Variants in MAP2K4 observed in about 807,000 individuals in gnomAD.
MAP2K4 encodes the protein mitogen-activated protein kinase kinase 4.
MAP2K4 carries 4 observed loss-of-function variants against 48.5 expected under a neutral mutation model. The observed-to-expected ratio is 0.08, with a 90% CI of 0.04 to 0.19. The LOEUF is 0.19. MAP2K4 is among the 10% of genes least tolerant of loss of function. The pLI is 1.00. For synonymous variants in MAP2K4, 166 were observed against 173.1 expected, an observed-to-expected ratio of 0.96 and a Z score of 0.32; for missense variants, 258 against 493.3, an observed-to-expected ratio of 0.52 and a Z score of 4.52.
chr17:12,104,620 T>G (rs1972046085), intron 4 of MAP2K4, among the ~76,000 whole-genome samples: 1 of 152,138 alleles, frequency 6.6e-6, no homozygotes, highest in African/African-American at 2.4e-5. Flanking sequence ...CCTAATTAGT[T>G]TAGCATAACT....
At chr17:12,051,883 T>G (rs926528493) in intron 1 of MAP2K4, among the ~76,000 whole-genome samples, 2 of 151,958 alleles carry the variant, frequency 1.3e-5, no homozygotes, top group East Asian at 3.9e-4. Context: ...GAGGCTCTAG[T>G]ACTTAGAGAA....
chr17:12,091,794 T>C (rs983964252), intron 3 of MAP2K4, among the ~76,000 whole-genome samples: 1 of 152,186 alleles, frequency 6.6e-6, no homozygotes, highest in African/African-American at 2.4e-5. Context: ...AACTTCAAGT[T>C]TATAAATTTC....
chr17:12,032,316 T>C, intron 1 of MAP2K4: 1 of 1,322,802 alleles, frequency 7.6e-7, no homozygotes, highest in Non-Finnish European at 1.0e-6. Flanking sequence ...ACAAATTTTA[T>C]GATATTATGC....
rs541852179 is a variant in MAP2K4 at position 12,128,068 on chromosome 17, T to G, written c.892-1071T>G. ...ATATGTTTCTTGGAAAAAGCAAAAT[T>G]TGTAGGTTTTCTTTTCTTTTGTTTT... On this transcript the variant is annotated intron_variant, in intron 8 of 10. Coordinates refer to ENST00000353533, the MANE Select transcript of MAP2K4 (RefSeq NM_003010.4). Among the ~76,000 whole-genome samples the G allele has an allele frequency of 2.0e-5, 3 of 152,180 alleles. No homozygotes were observed. In the East Asian group the frequency reaches 5.8e-4, roughly 29 times the overall value.
At chr17:12,116,581 T>C (rs1972501877) in intron 7 of MAP2K4, among the ~76,000 whole-genome samples, 1 of 152,218 alleles carries the variant, frequency 6.6e-6, no homozygotes, top group Non-Finnish European at 1.5e-5. Flanking sequence ...TCTTTCTTTG[T>C]ATCTTTATTC....
intron 1 of MAP2K4, among the ~76,000 whole-genome samples, chr17:12,050,383 A>G (rs537398797): frequency 6.6e-5 from 10 of 152,208 alleles, no homozygotes; most frequent in Non-Finnish European, 1.5e-4. Flanking sequence ...ATTGTTTACA[A>G]TTTTTTGATG....
intron 1 of MAP2K4, among the ~76,000 whole-genome samples, chr17:12,039,425 AGTAGT>A (rs1373576158): frequency 6.6e-6 from 1 of 152,116 alleles, no homozygotes; most frequent in Non-Finnish European, 1.5e-5. Flanking sequence ...ACAAAAATAG[AGTAGT>A]GTAATGAACC....
chr17:12,060,630 G>A (rs1970418444), intron 2 of MAP2K4, among the ~76,000 whole-genome samples: 1 of 152,130 alleles, frequency 6.6e-6, no homozygotes, highest in Non-Finnish European at 1.5e-5. Flanking sequence ...CTGCATTTCT[G>A]TGGTGGACCA....
intron 7 of MAP2K4, among the ~76,000 whole-genome samples, chr17:12,120,921 A>G (rs957418819): frequency 6.6e-6 from 1 of 152,226 alleles, no homozygotes; most frequent in Non-Finnish European, 1.5e-5. Context: ...TATTCTGGCG[A>G]TGCTACTGTG....
chr17:12,021,197 A>C (rs1359890568), intron 1 of MAP2K4, 196 bp downstream of exon 1: 1 of 336,220 alleles, frequency 3.0e-6, no homozygotes, highest in African/African-American at 2.2e-5. Context: ...TCCGGCCCGC[A>C]TAGGCCCCGG....
intron 7 of MAP2K4, among the ~76,000 whole-genome samples, chr17:12,115,344 C>G (rs1032773878): frequency 1.3e-5 from 2 of 152,130 alleles, no homozygotes; most frequent in Non-Finnish European, 2.9e-5. Context: ...TGTACTTACA[C>G]AAACCTAGAT....
At chr17:12,138,477 T>C (rs1489351713) in intron 9 of MAP2K4, among the ~76,000 whole-genome samples, 1 of 151,944 alleles carries the variant, frequency 6.6e-6, no homozygotes, top group Non-Finnish European at 1.5e-5. Flanking sequence ...AAGTGGATCA[T>C]CATAAAGATC....
rs773712590 is a variant in MAP2K4, at chr17:12,113,300, T to C, written c.753T>C (p.Ser251=). ...GNIKLCDFGI[S]GQLVDSIAKT... ...TTAAGCTCTGTGACTTCGGCATCAGTGGACAGCTTGTGGACTCTATTGCCA... is the reference window on the plus strand; with the variant it reads ...TTAAGCTCTGTGACTTCGGCATCAGCGGACAGCTTGTGGACTCTATTGCCA... The change falls in exon 7 of 11, where the codon AGT becomes AGC. Residue 251 remains serine, a synonymous_variant. Coordinates refer to ENST00000353533, the MANE Select transcript of MAP2K4 (RefSeq NM_003010.4). 2 of 1,613,724 alleles carry C rather than the reference T, an allele frequency of 1.2e-6. No homozygotes were observed. The highest frequency in any genetic ancestry group is 1.3e-5 in the African/African-American group (1 of 74,916).
intron 3 of MAP2K4, among the ~76,000 whole-genome samples, chr17:12,086,131 A>G (rs1265864353): frequency 6.6e-6 from 1 of 152,196 alleles, no homozygotes; most frequent in Admixed American, 6.5e-5. Flanking sequence ...AAAGGGCCGC[A>G]GTGATCATAT....
At chr17:12,095,739 G>A (rs2151562064) in intron 4 of MAP2K4, 45 bp downstream of exon 4, 1 of 1,591,554 alleles carries the variant, frequency 6.3e-7, no homozygotes, top group Non-Finnish European at 8.6e-7. Context: ...TATCTAATTG[G>A]GACAAATGAA....
intron 2 of MAP2K4, among the ~76,000 whole-genome samples, chr17:12,077,533 A>G (rs1971052146): frequency 6.6e-6 from 1 of 152,184 alleles, no homozygotes; most frequent in Non-Finnish European, 1.5e-5. Context: ...ATTGGAGTCA[A>G]TGCTATTTTC....
intron 1 of MAP2K4, among the ~76,000 whole-genome samples, chr17:12,026,047 C>A (rs1192776255): frequency 6.6e-6 from 1 of 152,070 alleles, no homozygotes; most frequent in Admixed American, 6.5e-5. Flanking sequence ...GCAAATTAGT[C>A]CCCCCTCAAA....
At chr17:12,059,560 A>G (rs1259695969) in intron 2 of MAP2K4, among the ~76,000 whole-genome samples, 1 of 152,236 alleles carries the variant, frequency 6.6e-6, no homozygotes, top group Admixed American at 6.5e-5. Flanking sequence ...TAACACTGGA[A>G]ATAAATAGTG....
rs1450741872 is a variant in MAP2K4 at position 12,141,742 on chromosome 17, AAGG to A, written c.*487_*489del. On this transcript the variant is annotated 3_prime_UTR_variant, in exon 11 of 11. Coordinates refer to ENST00000353533, the MANE Select transcript of MAP2K4 (RefSeq NM_003010.4). ...CATTGCCTTCTGGAGCTGGGAGACA[AAGG>A]AGGAATTTACTTTCTTCACCAAGTG... The A allele has an allele frequency of 1.4e-4, 32 of 236,308 alleles. No individual in the cohort carries two copies. The highest frequency in any genetic ancestry group is 3.5e-4 in the South Asian group (2 of 5,660). The allele number at this position is 236,308 out of a possible 1,614,324, so 14.6% of individuals were successfully genotyped here.
Sources: gnomAD v4.1 joint callset for allele counts (sites outside exome capture counted in the v4.1 genomes callset) on GRCh38, gnomAD v4.1.1 for gene constraint, MANE v1.5 for transcripts, NCBI Gene and HGNC (gene_info 2026-07-23, HGNC 2026-07-21) for gene names.